FERRY3: variants seen among roughly 807,000 people sequenced by gnomAD.
The protein encoded by FERRY3 is FERRY endosomal RAB5 effector complex subunit 3.
At chr12:4,491,315 T>TTCACAACA in the FERRY3 span, 1 of 1,268,696 alleles carries the variant, frequency 7.9e-7, no homozygotes, top group Non-Finnish European at 1.1e-6. Context: ...ATCTATAGTG[T>TTCACAACA]TGACTATCCA....
the FERRY3 span, among the ~76,000 whole-genome samples, chr12:4,528,568 G>A: frequency 6.6e-6 from 1 of 152,014 alleles, no homozygotes; most frequent in Non-Finnish European, 1.5e-5. Context: ...AAAACAGCAT[G>A]TTCTTTTTGA....
the FERRY3 span, among the ~76,000 whole-genome samples, chr12:4,518,582 G>T: frequency 2.0e-5 from 3 of 152,054 alleles, no homozygotes; most frequent in East Asian, 5.8e-4. Context: ...CAGCGGTCAG[G>T]CACGGTGACT....
At chr12:4,518,289 AAGC>A in the FERRY3 span, 1 of 1,588,664 alleles carries the variant, frequency 6.3e-7, no homozygotes, top group East Asian at 2.2e-5. Context: ...AAAGATACTT[AAGC>A]AGCTACAGAA....
chr12:4,517,223 T>C, the FERRY3 span: 4 of 1,497,086 alleles, frequency 2.7e-6, no homozygotes, highest in Admixed American at 9.0e-5. Flanking sequence ...AACTTCTAAA[T>C]GCGAACTATC....
chr12:4,528,940 A>ACACAC, the FERRY3 span, among the ~76,000 whole-genome samples: 11 of 117,352 alleles, frequency 9.4e-5, no homozygotes, highest in Middle Eastern at 4.3e-3. Flanking sequence ...CACACACACA[A>ACACAC]ACAAAAGTGA....
At chr12:4,500,515 G>A in the FERRY3 span, among the ~76,000 whole-genome samples, 2 of 152,104 alleles carry the variant, frequency 1.3e-5, no homozygotes, top group African/African-American at 4.8e-5. Flanking sequence ...TTCTCAGAGA[G>A]AAGGTAATGA....
the FERRY3 span, chr12:4,491,027 A>C: frequency 9.5e-5 from 64 of 674,578 alleles, no homozygotes; most frequent in East Asian, 1.6e-3. Flanking sequence ...AAACTAAAAA[A>C]GTCTATTATG....
chr12:4,500,308 A>T, the FERRY3 span: 3 of 1,614,028 alleles, frequency 1.9e-6, no homozygotes, highest in Non-Finnish European at 2.5e-6. Flanking sequence ...TGGATTTCTG[A>T]GAGATTAGAA....
the FERRY3 span, among the ~76,000 whole-genome samples, chr12:4,533,717 A>G: frequency 6.6e-6 from 1 of 152,370 alleles, no homozygotes; most frequent in East Asian, 1.9e-4. Flanking sequence ...CAAAGGTTAC[A>G]TGAATGCTGT....
chr12:4,492,371 T>C, the FERRY3 span, among the ~76,000 whole-genome samples: 3 of 152,166 alleles, frequency 2.0e-5, no homozygotes, highest in African/African-American at 7.2e-5. Context: ...TCTGAAAAAC[T>C]CACTGGACAC....
At chr12:4,509,525 T>G in the FERRY3 span, among the ~76,000 whole-genome samples, 2 of 149,306 alleles carry the variant, frequency 1.3e-5, no homozygotes, top group African/African-American at 2.6e-5. Context: ...AGAGCACTGG[T>G]TCTCCCAGCA....
chr12:4,500,483 A>ACAGTTGCTTCCTG, the FERRY3 span: 1 of 692,420 alleles, frequency 1.4e-6, no homozygotes, highest in Non-Finnish European at 2.4e-6. Context: ...TTCAGGAAGC[A>ACAGTTGCTTCCTG]ACTGTGATTA....
the FERRY3 span, among the ~76,000 whole-genome samples, chr12:4,529,345 A>G: frequency 6.6e-6 from 1 of 152,176 alleles, no homozygotes; most frequent in Admixed American, 6.5e-5. Context: ...AAATGAACTG[A>G]AAGAGCCATG....
the FERRY3 span, chr12:4,500,142 G>T: frequency 1.9e-6 from 3 of 1,611,528 alleles, no homozygotes; most frequent in South Asian, 3.3e-5. Flanking sequence ...GCTTACCTCT[G>T]ACATATCATG....
At chr12:4,518,763 AAC>A in the FERRY3 span, 1 of 1,447,112 alleles carries the variant, frequency 6.9e-7, no homozygotes, top group Non-Finnish European at 9.5e-7. Context: ...CAAAAAAATT[AAC>A]ACACTTACCT....
the FERRY3 span, among the ~76,000 whole-genome samples, chr12:4,511,309 C>A: frequency 6.6e-6 from 1 of 151,504 alleles, no homozygotes; most frequent in East Asian, 1.9e-4. Context: ...TAACACCCCA[C>A]TGTCAACATT....
At chr12:4,527,852 A>AAAT in the FERRY3 span, among the ~76,000 whole-genome samples, 4 of 152,166 alleles carry the variant, frequency 2.6e-5, no homozygotes, top group Non-Finnish European at 4.4e-5. Flanking sequence ...AAATATGGCC[A>AAAT]AATATGATTT....
chr12:4,518,841 A>G, the FERRY3 span: 3 of 1,593,466 alleles, frequency 1.9e-6, no homozygotes, highest in Non-Finnish European at 1.7e-6. Flanking sequence ...TTGCTTCTAC[A>G]GATTCTCTGA....
At chr12:4,500,739 G>A in the FERRY3 span, among the ~76,000 whole-genome samples, 2,131 of 152,128 alleles carry the variant, frequency 0.014, 55 homozygotes, top group African/African-American at 0.049. Flanking sequence ...TGCAACCTCC[G>A]ACTCCCTGGT....
Sources: gnomAD v4.1 joint callset for allele counts (sites outside exome capture counted in the v4.1 genomes callset) on GRCh38, gnomAD v4.1.1 for gene constraint, MANE v1.5 for transcripts, NCBI Gene and HGNC (gene_info 2026-07-23, HGNC 2026-07-21) for gene names.